CFAP95: variants seen among roughly 807,000 people sequenced by gnomAD.
The protein encoded by CFAP95 is cilia and flagella associated protein 95, also known as cilia- and flagella-associated protein 95.
chr9:69,852,351 G>A, the CFAP95 span, among the ~76,000 whole-genome samples: 2 of 152,074 alleles, frequency 1.3e-5, no homozygotes, highest in Non-Finnish European at 2.9e-5. Flanking sequence ...TTATTTGGGC[G>A]GTAACTGAGT....
the CFAP95 span, chr9:69,858,154 C>T: frequency 7.4e-5 from 42 of 566,602 alleles, no homozygotes; most frequent in East Asian, 4.2e-4. Flanking sequence ...CATTAATAAC[C>T]GTAATAATAA....
At chr9:69,859,696 A>G in the CFAP95 span, among the ~76,000 whole-genome samples, 4 of 152,292 alleles carry the variant, frequency 2.6e-5, no homozygotes, top group East Asian at 5.8e-4. Context: ...TGTCGGGGAT[A>G]TGTTCCGAGA....
chr9:69,856,777 A>G, the CFAP95 span: 1 of 638,768 alleles, frequency 1.6e-6, no homozygotes, highest in South Asian at 2.6e-5. Flanking sequence ...CTAAAGGAAC[A>G]TATCAAGCAC....
chr9:69,853,083 G>A, the CFAP95 span, among the ~76,000 whole-genome samples: 1 of 152,132 alleles, frequency 6.6e-6, no homozygotes, highest in South Asian at 2.1e-4. Context: ...GTGGGTCAGA[G>A]GAATATACTT....
chr9:69,886,216 T>C, the CFAP95 span, among the ~76,000 whole-genome samples: 7 of 152,242 alleles, frequency 4.6e-5, no homozygotes, highest in Admixed American at 2.0e-4. Flanking sequence ...TTATACTTGA[T>C]GATGGCTCTA....
At chr9:69,900,058 G>T in the CFAP95 span, among the ~76,000 whole-genome samples, 1 of 152,182 alleles carries the variant, frequency 6.6e-6, no homozygotes, top group East Asian at 1.9e-4. Flanking sequence ...GGTATTAAAT[G>T]CATTTCACCT....
At chr9:69,874,908 C>T in the CFAP95 span, among the ~76,000 whole-genome samples, 1 of 152,136 alleles carries the variant, frequency 6.6e-6, no homozygotes, top group African/African-American at 2.4e-5. Context: ...GGTGGATTGA[C>T]ATTGATGTAG....
the CFAP95 span, among the ~76,000 whole-genome samples, chr9:69,864,786 T>A: frequency 6.6e-6 from 1 of 152,202 alleles, no homozygotes; most frequent in Non-Finnish European, 1.5e-5. Flanking sequence ...AGGGACTACA[T>A]GTAAATAGTA....
the CFAP95 span, among the ~76,000 whole-genome samples, chr9:69,891,589 C>T: frequency 6.6e-6 from 1 of 151,450 alleles, no homozygotes; most frequent in Non-Finnish European, 1.5e-5. Flanking sequence ...ACAAAATAAT[C>T]TGTACACCAA....
At chr9:69,901,142 G>T in the CFAP95 span, among the ~76,000 whole-genome samples, 142 of 142,772 alleles carry the variant, frequency 9.9e-4, no homozygotes, top group Non-Finnish European at 1.9e-3. Context: ...TTTGGTTTTG[G>T]TTTTTTTTTT....
the CFAP95 span, among the ~76,000 whole-genome samples, chr9:69,897,082 G>A: frequency 3.0e-4 from 45 of 152,250 alleles, no homozygotes; most frequent in African/African-American, 8.9e-4. Flanking sequence ...TTAGAGGAAG[G>A]CAAGTCTTCA....
the CFAP95 span, among the ~76,000 whole-genome samples, chr9:69,856,867 C>T: frequency 7.3e-5 from 11 of 150,350 alleles, no homozygotes; most frequent in Non-Finnish European, 1.5e-4. Context: ...GTTTACCAAT[C>T]AACTCTCTAC....
At chr9:69,899,488 C>T in the CFAP95 span, among the ~76,000 whole-genome samples, 29 of 152,196 alleles carry the variant, frequency 1.9e-4, no homozygotes, top group Admixed American at 5.2e-4. Flanking sequence ...CTGAAGAAAA[C>T]GCTCACTTTC....
At chr9:69,905,486 C>T in the CFAP95 span, among the ~76,000 whole-genome samples, 2 of 152,176 alleles carry the variant, frequency 1.3e-5, no homozygotes, top group African/African-American at 4.8e-5. Flanking sequence ...TAAATTCTTA[C>T]AGCAATGTGT....
At chr9:69,838,542 T>G in the CFAP95 span, among the ~76,000 whole-genome samples, 1 of 151,664 alleles carries the variant, frequency 6.6e-6, no homozygotes, top group Non-Finnish European at 1.5e-5. Flanking sequence ...TTGTCTGTTG[T>G]TGGTGTATAA....
chr9:69,905,945 C>T, the CFAP95 span: 2 of 1,492,468 alleles, frequency 1.3e-6, no homozygotes, highest in Non-Finnish European at 1.8e-6. Flanking sequence ...TCTCTTTTTT[C>T]CCCCATAGGC....
the CFAP95 span, chr9:69,858,138 G>A: frequency 0.43 from 257,505 of 596,328 alleles, 57,805 homozygotes; most frequent in Middle Eastern, 0.63. Context: ...CCTTTCACAT[G>A]CACAACATTA....
chr9:69,838,066 G>C, the CFAP95 span, among the ~76,000 whole-genome samples: 34 of 152,096 alleles, frequency 2.2e-4, no homozygotes, highest in Admixed American at 2.2e-3. Flanking sequence ...ATTTCTGAGG[G>C]CTCTGTTCTA....
At chr9:69,904,710 T>C in the CFAP95 span, among the ~76,000 whole-genome samples, 2 of 152,192 alleles carry the variant, frequency 1.3e-5, no homozygotes, top group East Asian at 3.9e-4. Flanking sequence ...TGGCCAGTGA[T>C]GCTCAAATCT....
Sources: allele counts gnomAD v4.1 joint callset (sites outside exome capture counted in the v4.1 genomes callset), GRCh38; gene constraint gnomAD v4.1.1; transcripts MANE v1.5; gene names NCBI Gene and HGNC (gene_info 2026-07-23, HGNC 2026-07-21).